The following IQSEC1 variants were observed in gnomAD, a reference collection of about 807,000 sequenced individuals.
The protein encoded by IQSEC1 is IQ motif and SEC7 domain-containing protein 1.
In IQSEC1, 31 loss-of-function variants were observed where a neutral mutation model predicts 91.0. The observed-to-expected ratio is 0.34, with a 90% CI of 0.26 to 0.46. The LOEUF (loss-of-function observed/expected upper bound fraction) is 0.46, where lower values mean the gene tolerates loss of function less well. Ranked by LOEUF, IQSEC1 falls within the 20% of genes least tolerant of loss-of-function variation. IQSEC1 has a pLI of 1.00. For missense variants in IQSEC1, 1,388 were observed against 1,575.6 expected, an observed-to-expected ratio of 0.88 and a Z score of 2.02; for synonymous variants, 699 against 662.6, an observed-to-expected ratio of 1.05 and a Z score of -0.84.
At chr3:13,051,952 T>C (rs1704706716) in intron 1 of IQSEC1, among the ~76,000 whole-genome samples, 1 of 152,082 alleles carries the variant, frequency 6.6e-6, no homozygotes, top group Non-Finnish European at 1.5e-5. Context: ...TACAGAAAGT[T>C]CCAAACAAAA....
In IQSEC1 at chr3:13,167,086, C is replaced by CGT. The variant is rs757955905; in HGVS notation, c.273-2955_273-2954dup. On this transcript the variant is annotated intron_variant, in intron 1 of 15. Coordinates refer to the IQSEC1 transcript ENST00000648114. ...CTGTATGTGGGTGTGCCTGTATGTGCGTGTGTGTGTGCCTATGATTATGGC... is the reference window on the plus strand; with the variant it reads ...CTGTATGTGGGTGTGCCTGTATGTGCGTGTGTGTGTGTGCCTATGATTATGGC... 5.8e-4 allele frequency among the ~76,000 whole-genome samples: 89 copies of CGT among 152,142 alleles called. 2 individuals carry two copies. In the South Asian group the frequency reaches 8.3e-3, roughly 14 times the overall value.
rs140191999 is a variant in IQSEC1, at chr3:12,903,774, GAAAC to G, written c.2756-956_2756-953del. ...GAGTGGGGATGGGAAGAGGGAGAGA[GAAAC>G]AGTCCTCCCCACTTGACACTCTAGA... On this transcript the variant is annotated intron_variant, in intron 12 of 13. Transcript: ENST00000613206. 8.3e-3 allele frequency among the ~76,000 whole-genome samples: 1,267 copies of G among 152,330 alleles called. 16 individuals carry two copies. Among genetic ancestry groups the G allele is most frequent in the African/African-American group, 0.029 (1,212 of 41,578 alleles).
At chr3:13,204,694 T>C (rs1050241717) in intron 1 of IQSEC1, among the ~76,000 whole-genome samples, 1 of 152,220 alleles carries the variant, frequency 6.6e-6, no homozygotes, top group East Asian at 1.9e-4. Flanking sequence ...GTCCCTGTCC[T>C]GCGCGTTCGT....
At chr3:13,120,043 CT>C (rs1167675138) in intron 2 of IQSEC1, among the ~76,000 whole-genome samples, 2 of 152,182 alleles carry the variant, frequency 1.3e-5, no homozygotes, top group Admixed American at 6.5e-5. Flanking sequence ...AGTTTTTGGC[CT>C]CCAAGACATG....
chr3:13,181,346 A>T (rs537850106), intron 1 of IQSEC1, among the ~76,000 whole-genome samples: 2 of 152,364 alleles, frequency 1.3e-5, no homozygotes, highest in South Asian at 4.1e-4. Context: ...ATAAATCTAC[A>T]AGTATGGCGA....
intron 1 of IQSEC1, among the ~76,000 whole-genome samples, chr3:13,233,755 T>C (rs1023449257): frequency 6.6e-6 from 1 of 152,080 alleles, no homozygotes; most frequent in Admixed American, 6.5e-5. Flanking sequence ...GGTCCAGAGG[T>C]GCTGAACTCC....
chr3:13,161,134 C>T (rs1489521627), intron 2 of IQSEC1, among the ~76,000 whole-genome samples: 3 of 152,106 alleles, frequency 2.0e-5, no homozygotes, highest in Non-Finnish European at 4.4e-5. Flanking sequence ...GGGGCAGGCA[C>T]GCAGGAATCA....
chr3:13,074,430 C>T (rs1314984504), upstream of IQSEC1, among the ~76,000 whole-genome samples: 1 of 152,222 alleles, frequency 6.6e-6, no homozygotes, highest in Admixed American at 6.5e-5. Context: ...ACAGATTTCT[C>T]TCTTCCTGTC....
At chr3:12,955,832 C>G (rs1699867193) in intron 1 of IQSEC1, among the ~76,000 whole-genome samples, 1 of 152,156 alleles carries the variant, frequency 6.6e-6, no homozygotes, top group African/African-American at 2.4e-5. Flanking sequence ...CCAGCTGCTC[C>G]CCATAAGGAG....
At chr3:13,156,725 G>GCAGAC (rs1414767395) in intron 2 of IQSEC1, among the ~76,000 whole-genome samples, 2 of 152,232 alleles carry the variant, frequency 1.3e-5, no homozygotes, top group African/African-American at 2.4e-5. Context: ...TGGCTGATGT[G>GCAGAC]CAGAGATTGG....
chr3:13,042,650 C>A (rs886871395), intron 1 of IQSEC1, among the ~76,000 whole-genome samples: 1 of 152,228 alleles, frequency 6.6e-6, no homozygotes, highest in African/African-American at 2.4e-5. Flanking sequence ...CCTGGGGGTC[C>A]CTGGGACACA....
In IQSEC1 at chr3:13,207,084, T is replaced by C. The variant is rs754803101; in HGVS notation, c.273-42951A>G. ...TGAGCTTCGTAGACCTGGGCAGGGC[T>C]GTTGGGAGTTGCTGGCCCTGACAAT... On this transcript the variant is annotated intron_variant, in intron 1 of 15. Coordinates refer to the IQSEC1 transcript ENST00000648114. This position sits in a 1 kb window ranked among gnomAD's most constrained non-coding sequence, Gnocchi z 4.8. Among the ~76,000 whole-genome samples, 5 of 152,176 alleles carry C rather than the reference T, an allele frequency of 3.3e-5. No individual in the cohort carries two copies. Among genetic ancestry groups the C allele is most frequent in the Non-Finnish European group, 5.9e-5 (4 of 68,028 alleles).
chr3:13,032,449 C>T (rs1012466191), intron 1 of IQSEC1, among the ~76,000 whole-genome samples: 1 of 152,256 alleles, frequency 6.6e-6, no homozygotes, highest in African/African-American at 2.4e-5. Context: ...TGCGGATGGG[C>T]CAGCCCAGGG....
At chr3:13,199,995 GCACACACCACACA>G (rs1694210892) in intron 1 of IQSEC1, among the ~76,000 whole-genome samples, 2 of 143,028 alleles carry the variant, frequency 1.4e-5, no homozygotes, top group African/African-American at 5.2e-5. Context: ...TGCCACACAT[GCACACACCACACA>G]CACACGCCAC....
chr3:13,136,559 A>G (rs1196881024), intron 2 of IQSEC1, among the ~76,000 whole-genome samples: 1 of 152,222 alleles, frequency 6.6e-6, no homozygotes, highest in East Asian at 1.9e-4. Context: ...GATCCAGGAT[A>G]CAGACAGAGC....
chr3:13,274,983 G>A (rs1159958749), intron 1 of IQSEC1, among the ~76,000 whole-genome samples: 1 of 152,248 alleles, frequency 6.6e-6, no homozygotes, highest in Non-Finnish European at 1.5e-5. Context: ...CAGTTCTGAA[G>A]CAGCCCAGCG....
intron 1 of IQSEC1, among the ~76,000 whole-genome samples, chr3:13,272,238 T>C (rs1695601084): frequency 6.6e-6 from 1 of 152,128 alleles, no homozygotes; most frequent in African/African-American, 2.4e-5. Flanking sequence ...ATATATACCA[T>C]GGAGATAATA....
intron 3 of IQSEC1, among the ~76,000 whole-genome samples, chr3:12,931,994 C>T (rs1204950490): frequency 2.6e-5 from 4 of 152,258 alleles, no homozygotes; most frequent in African/African-American, 7.2e-5. Context: ...CCCGTGTCAT[C>T]ATGAAGCAGC....
Position 12,902,756 on chromosome 3 carries a change from A to T in IQSEC1, c.2805+17T>A. The T allele has an allele frequency of 3.1e-6, 5 of 1,590,654 alleles. No homozygotes were observed. The South Asian group carries it at 5.5e-5, about 18-fold the overall frequency. On this transcript the variant is annotated intron_variant, in intron 13 of 13. Transcript: ENST00000613206. ...CGACACAGGACAGCCAGCTGGACAG[A>T]GGCGCTTCCTACTTACTTCCACATT...
Sources: allele counts gnomAD v4.1 joint callset (sites outside exome capture counted in the v4.1 genomes callset), GRCh38; gene constraint gnomAD v4.1.1; non-coding constraint Gnocchi (gnomAD v3.1); transcripts MANE v1.5; gene names NCBI Gene and HGNC (gene_info 2026-07-23, HGNC 2026-07-21).